The following MELK variants were observed in gnomAD, a reference collection of about 807,000 sequenced individuals.
MELK encodes maternal embryonic leucine zipper kinase.
Under a neutral mutation model 85.0 loss-of-function variants are expected in MELK, and 81 were observed. The observed-to-expected ratio is 0.95, with a 90% CI of 0.80 to 1.15. The LOEUF (loss-of-function observed/expected upper bound fraction) is 1.15. Ranked by LOEUF, MELK falls within the 50% of genes most tolerant of loss-of-function variation. The pLI is 0.00. For missense variants in MELK, 754 were observed against 777.5 expected (o/e 0.97, Z 0.36); for synonymous variants, 252 against 265.0 (o/e 0.95, Z 0.48).
Position 36,669,177 on chromosome 9 carries a change from G to A in MELK, c.1409-133G>A, listed in dbSNP as rs1022284501. The A allele has an allele frequency of 2.2e-5, 10 of 454,396 alleles. No individual in the cohort carries two copies. The South Asian group carries it at 5.3e-4, about 24-fold the overall frequency. 28.1% of individuals were successfully genotyped at this position (454,396 alleles called of 1,614,324 possible). A position where few individuals can be genotyped will look rare whatever the true frequency, so the allele number is the denominator to read the frequency against. Reference sequence around the variant, plus strand: ...ATTTCTTGAAAGAATTAGAGCCTTCGACATCACAGGTCAAGTGATTATACT... The same window carrying A: ...ATTTCTTGAAAGAATTAGAGCCTTCAACATCACAGGTCAAGTGATTATACT... On this transcript the variant is annotated intron_variant, in intron 14 of 17. Coordinates refer to ENST00000298048, the MANE Select transcript of MELK (RefSeq NM_014791.4).
chr9:36,615,227 A>C (rs1374773942), intron 8 of MELK, among the ~76,000 whole-genome samples: 2 of 123,806 alleles, frequency 1.6e-5, no homozygotes, highest in Non-Finnish European at 3.4e-5. Flanking sequence ...CCCAGACGGC[A>C]CGGCTGGCCA....
chr9:36,643,097 C>T lies in MELK; in HGVS notation c.921+14C>T. 1 of 1,606,030 alleles carries T rather than the reference C, an allele frequency of 6.2e-7. No individual in the cohort carries two copies. Among genetic ancestry groups the T allele is most frequent in the Non-Finnish European group, 8.5e-7 (1 of 1,174,294 alleles). On this transcript the variant is annotated intron_variant, in intron 11 of 17. Transcript: ENST00000298048. ...TTAATTTCACTGGTAAGAAATACAG[C>T]ATGGGCTGGGCGCAGTGGCTCACGC...
chr9:36,597,393 G>C, intron 6 of MELK, 103 bp downstream of exon 6: 1 of 1,053,676 alleles, frequency 9.5e-7, no homozygotes. Context: ...GAGCTTGGTT[G>C]CATCCATTGA....
intron 8 of MELK, among the ~76,000 whole-genome samples, chr9:36,623,435 C>T (rs7019504): frequency 0.034 from 5,230 of 152,218 alleles, 288 homozygotes; most frequent in African/African-American, 0.12. Flanking sequence ...TCTATTTTGG[C>T]CAGTATTTCA....
chr9:36,594,843 A>T (rs1352591730), intron 5 of MELK, 72 bp downstream of exon 5: 6 of 1,508,914 alleles, frequency 4.0e-6, no homozygotes, highest in Non-Finnish European at 5.4e-6. Context: ...TTTACAAATG[A>T]TCTGATTAGG....
chr9:36,639,431 C>A (rs2136819719), intron 10 of MELK, among the ~76,000 whole-genome samples: 1 of 152,328 alleles, frequency 6.6e-6, no homozygotes, highest in African/African-American at 2.4e-5. Context: ...TGTTCTGTAA[C>A]TCTACGCATG....
intron 16 of MELK, among the ~76,000 whole-genome samples, chr9:36,672,095 A>G (rs1183436781): frequency 6.6e-6 from 1 of 152,168 alleles, no homozygotes; most frequent in African/African-American, 2.4e-5. Flanking sequence ...GAGGGAAGGA[A>G]AATGCTGAGC....
At chr9:36,614,688 C>T (rs1473928475) in intron 8 of MELK, among the ~76,000 whole-genome samples, 2 of 109,994 alleles carry the variant, frequency 1.8e-5, no homozygotes, top group African/African-American at 3.9e-5. Context: ...GCACATCTTG[C>T]ACCGCCCTTA....
At position 36,659,187 on chromosome 9, in the gene MELK, T is replaced by G. The variant is rs953197831; in HGVS notation, c.1176+1824T>G. Among the ~76,000 whole-genome samples the G allele has an allele frequency of 3.3e-5, 5 of 152,106 alleles. No individual in the cohort carries two copies. In the South Asian group the frequency reaches 8.3e-4, roughly 25 times the overall value. On this transcript the variant is annotated intron_variant, in intron 13 of 17. Transcript: ENST00000298048. The stretch of plus-strand genomic sequence containing the variant: ...TGAGCCACTGCACCTGGCCTTTTTT[T>G]TGTGTTTTTGTAAAGATGGGGTTTC...
Position 36,581,719 on chromosome 9 carries a change from T to C in MELK, c.38T>C (p.Leu13Ser). The C allele has an allele frequency of 6.3e-7, 1 of 1,596,888 alleles. No homozygotes were observed. The highest frequency in any genetic ancestry group is 8.6e-7 in the Non-Finnish European group (1 of 1,165,460). The change falls in exon 2 of 18, where the codon TTA (leucine) becomes TCA (serine). Residue 13 changes from leucine (L) to serine (S), a missense_variant. Coordinates refer to ENST00000298048, the MANE Select transcript of MELK (RefSeq NM_014791.4). Reference sequence around the variant, plus strand: ...GATGAACTTCTCAAATATTATGAATTACATGAAACTATTGGGACAGGTAAT... The same window carrying C: ...GATGAACTTCTCAAATATTATGAATCACATGAAACTATTGGGACAGGTAAT... Reference protein sequence around the residue: ...DYDELLKYYELHETIGTGGFA... With the variant: ...DYDELLKYYESHETIGTGGFA...
chr9:36,652,724 TG>T (rs1285594519), intron 12 of MELK, among the ~76,000 whole-genome samples: 2 of 71,720 alleles, frequency 2.8e-5, no homozygotes, highest in African/African-American at 1.1e-4. Context: ...AGCAAGACTC[TG>T]TCTCAAAAAA....
At chr9:36,661,684 C>T (rs762771912) in intron 13 of MELK, among the ~76,000 whole-genome samples, 14 of 152,074 alleles carry the variant, frequency 9.2e-5, no homozygotes, top group Non-Finnish European at 1.6e-4. Flanking sequence ...CGCCTGTAAT[C>T]CCAGCACTTT....
At chr9:36,620,171 A>G (rs531220923) in intron 8 of MELK, among the ~76,000 whole-genome samples, 2 of 152,266 alleles carry the variant, frequency 1.3e-5, no homozygotes, top group African/African-American at 4.8e-5. Flanking sequence ...ACCACAATGA[A>G]ATATTGTTTC....
At chr9:36,633,342 A>G (rs780107768) in intron 10 of MELK, 142 bp downstream of exon 10, 135 of 598,488 alleles carry the variant, frequency 2.3e-4, no homozygotes, top group Non-Finnish European at 3.6e-4. Context: ...AACCTAATGG[A>G]CAGTGGTTCC....
chr9:36,603,911 C>G (rs932459497), intron 7 of MELK, among the ~76,000 whole-genome samples: 2 of 151,916 alleles, frequency 1.3e-5, no homozygotes, highest in African/African-American at 4.8e-5. Flanking sequence ...TCATTTTATT[C>G]CTCTTTAAGT....
intron 1 of MELK, among the ~76,000 whole-genome samples, chr9:36,576,084 A>G (rs539087879): frequency 2.6e-5 from 4 of 152,258 alleles, no homozygotes; most frequent in South Asian, 4.1e-4. Context: ...ATATTTCTGA[A>G]TTAGTGTTGC....
chr9:36,666,565 A>G (rs532992104), intron 14 of MELK, among the ~76,000 whole-genome samples: 1 of 152,260 alleles, frequency 6.6e-6, no homozygotes, highest in African/African-American at 2.4e-5. Flanking sequence ...TCCCCCCACC[A>G]ATTGTGACCT....
intron 7 of MELK, chr9:36,606,678 T>C (rs913537876): frequency 2.7e-5 from 4 of 147,900 alleles, no homozygotes; most frequent in African/African-American, 9.8e-5. Context: ...TATGGACATA[T>C]ATATGTATAC....
At chr9:36,590,679 G>GAAC (rs1339921335) in intron 4 of MELK, among the ~76,000 whole-genome samples, 1 of 152,150 alleles carries the variant, frequency 6.6e-6, no homozygotes, top group Non-Finnish European at 1.5e-5. Context: ...GATGTCTTTA[G>GAAC]AACTTGTATT....
Sources: allele counts gnomAD v4.1 joint callset (sites outside exome capture counted in the v4.1 genomes callset), GRCh38; gene constraint gnomAD v4.1.1; transcripts MANE v1.5; gene names NCBI Gene and HGNC (gene_info 2026-07-23, HGNC 2026-07-21).